Variants in ECE1 observed in about 807,000 individuals in gnomAD.
ECE1 encodes the protein endothelin-converting enzyme 1.
ECE1 carries 35 observed loss-of-function variants against 98.6 expected under a neutral mutation model. The ratio of observed to expected loss-of-function variants is 0.35; its 90% CI spans 0.27 to 0.47. The LOEUF (loss-of-function observed/expected upper bound fraction) is 0.47. Ranked by LOEUF, ECE1 falls within the 20% of genes least tolerant of loss-of-function variation. The pLI is 1.00. For missense variants in ECE1, 814 were observed against 1,025.3 expected, an observed-to-expected ratio of 0.79 and a Z score of 2.81; for synonymous variants, 394 against 407.1, an observed-to-expected ratio of 0.97 and a Z score of 0.39.
At position 21,337,737 on chromosome 1, in the gene ECE1, C is replaced by T. The variant is rs566935893; in HGVS notation, c.3+7639G>A. On this transcript the variant is annotated intron_variant, in intron 1 of 18. Transcript: ENST00000415912. ...TCTAACTACTGGGCAAAATACTGCC[C>T]CAGGAGCTCCATATTAGAGACAGGA... is the stretch of plus-strand genomic sequence containing the variant. Among the ~76,000 whole-genome samples, 66 of 152,236 alleles carry T rather than the reference C, an allele frequency of 4.3e-4. No homozygotes were observed. In the South Asian group the frequency reaches 0.014, roughly 32 times the overall value.
rs748289574 is a variant in ECE1, at chr1:21,235,977, C to T, written c.1489-50G>A. The T allele has an allele frequency of 3.3e-5, 52 of 1,565,988 alleles. No homozygotes were observed. Among genetic ancestry groups the T allele is most frequent in the Non-Finnish European group, 4.3e-5 (49 of 1,136,358 alleles). On this transcript the variant is annotated intron_variant, in intron 12 of 18. Coordinates refer to ENST00000374893, the MANE Select transcript of ECE1 (RefSeq NM_001397.3). The surrounding 1 kb of genome is among the most constrained non-coding windows in gnomAD (Gnocchi z 4.2). ...GAGTGCCCGGCAACATCGACCAGGCCAGCCTGAGCAACTTGGGTGCTGGGC... is the reference window on the plus strand; with the variant it reads ...GAGTGCCCGGCAACATCGACCAGGCTAGCCTGAGCAACTTGGGTGCTGGGC...
chr1:21,310,469 C>T (rs1178388580), intron 1 of ECE1, among the ~76,000 whole-genome samples: 2 of 152,168 alleles, frequency 1.3e-5, no homozygotes, highest in Admixed American at 6.5e-5. Flanking sequence ...TGATTGACAG[C>T]CTGGTTAATC....
chr1:21,306,244 T>C (rs1362496900), intron 1 of ECE1, among the ~76,000 whole-genome samples: 1 of 152,148 alleles, frequency 6.6e-6, no homozygotes, highest in African/African-American at 2.4e-5. Context: ...CAATAAACAA[T>C]GTTACTAAGA....
At chr1:21,305,502 C>T (rs1440307698) in intron 1 of ECE1, among the ~76,000 whole-genome samples, 2 of 152,192 alleles carry the variant, frequency 1.3e-5, no homozygotes, top group Admixed American at 6.5e-5. Flanking sequence ...CAATCTGTCC[C>T]TCACTCTCAA....
intron 4 of ECE1, among the ~76,000 whole-genome samples, chr1:21,269,405 G>A (rs779265257): frequency 3.3e-5 from 5 of 152,172 alleles, no homozygotes; most frequent in African/African-American, 9.7e-5. Context: ...ACATACCAGC[G>A]CTTCTCTAAT....
intron 1 of ECE1, among the ~76,000 whole-genome samples, chr1:21,303,338 T>C (rs1638527228): frequency 6.6e-6 from 1 of 152,198 alleles, no homozygotes; most frequent in African/African-American, 2.4e-5. Flanking sequence ...GGAACACAGA[T>C]TGTGGAGAAA....
In ECE1 at chr1:21,225,516, G is replaced by T. The variant is rs1480497120; in HGVS notation, c.1850-76C>A. The T allele has an allele frequency of 2.0e-6, 3 of 1,529,886 alleles. No individual in the cohort carries two copies. The highest frequency in any genetic ancestry group is 2.4e-5 in the East Asian group (1 of 41,734). The allele number at this position is 1,529,886 out of a possible 1,614,324, so 94.8% of individuals were successfully genotyped here. A position where few individuals can be genotyped will look rare whatever the true frequency, so the allele number is the denominator to read the frequency against. ...GACCTGCTGCTCCTCCCTGCTCCTG[G>T]TGAGAAGCGGTTCATCCGTCCACCC... On this transcript the variant is annotated intron_variant, in intron 16 of 18. Coordinates refer to ENST00000374893, the MANE Select transcript of ECE1 (RefSeq NM_001397.3). This position sits in a 1 kb window ranked among gnomAD's most constrained non-coding sequence, Gnocchi z 5.3.
At chr1:21,305,033 A>T (rs1372233149) in intron 1 of ECE1, among the ~76,000 whole-genome samples, 3 of 152,228 alleles carry the variant, frequency 2.0e-5, no homozygotes, top group African/African-American at 7.2e-5. Context: ...TCAAAGATCT[A>T]TGCAGAACTA....
chr1:21,236,271 T>C (rs1046878568), intron 12 of ECE1, among the ~76,000 whole-genome samples: 14 of 152,244 alleles, frequency 9.2e-5, no homozygotes, highest in Non-Finnish European at 1.9e-4. Context: ...CAAGCAATCA[T>C]GTGCTTGAGG....
rs147631254 is a variant in ECE1, at chr1:21,325,774, C to T, written c.3+19602G>A. Among the ~76,000 whole-genome samples the T allele has an allele frequency of 1.9e-3, 294 of 152,364 alleles. 1 individual carries two copies. The highest frequency in any genetic ancestry group is 3.2e-3 in the Non-Finnish European group (216 of 68,040). ...GCTCAATAAATTGTGGTTCCCACCT[C>T]CTGCTCCACGGAGCAGACATGAAAC... On this transcript the variant is annotated intron_variant, in intron 1 of 18. Coordinates refer to the ECE1 transcript ENST00000415912.
chr1:21,300,056 C>G (rs939305117), intron 1 of ECE1, among the ~76,000 whole-genome samples: 1 of 152,242 alleles, frequency 6.6e-6, no homozygotes, highest in Non-Finnish European at 1.5e-5. Context: ...AAAAATCACT[C>G]AACTGTCTCT....
At chr1:21,264,939 GA>G (rs766293245) in intron 4 of ECE1, among the ~76,000 whole-genome samples, 16 of 152,156 alleles carry the variant, frequency 1.1e-4, no homozygotes, top group Non-Finnish European at 1.5e-4. Flanking sequence ...TCCCTTCTGA[GA>G]AAGCCCATCC....
Position 21,327,663 on chromosome 1 carries a change from G to C in ECE1, c.3+17713C>G, listed in dbSNP as rs974647662. On this transcript the variant is annotated intron_variant, in intron 1 of 18. Coordinates refer to the ECE1 transcript ENST00000415912. The surrounding 1 kb of genome is among the most constrained non-coding windows in gnomAD (Gnocchi z 4.6). ...TCACCTGGTCTGCACGGCCCTGCGG[G>C]ACCCAGCCCTGACCACCCTTCAGCT... Among the ~76,000 whole-genome samples the C allele has an allele frequency of 3.9e-5, 6 of 152,142 alleles. No homozygotes were observed. Among genetic ancestry groups the C allele is most frequent in the Non-Finnish European group, 8.8e-5 (6 of 68,028 alleles).
Position 21,233,494 on chromosome 1 carries a change from C to A in ECE1, c.1670+64G>T. 4 of 1,490,328 alleles carry A rather than the reference C, an allele frequency of 2.7e-6. No homozygotes were observed. Among genetic ancestry groups the A allele is most frequent in the South Asian group, 1.1e-5 (1 of 87,848 alleles). 92.3% of individuals were successfully genotyped at this position (1,490,328 alleles called of 1,614,324 possible). On this transcript the variant is annotated intron_variant, in intron 14 of 18. Coordinates refer to ENST00000374893, the MANE Select transcript of ECE1 (RefSeq NM_001397.3). The surrounding 1 kb of genome is among the most constrained non-coding windows in gnomAD (Gnocchi z 4.0). ...AGTGAGGGTGCAATGAAGGCCAGTTCGTCCCAAGGCTTGCCCACAGGTGGG... is the reference window on the plus strand; with the variant it reads ...AGTGAGGGTGCAATGAAGGCCAGTTAGTCCCAAGGCTTGCCCACAGGTGGG...
chr1:21,278,094 G>C (rs1393624054), intron 3 of ECE1, among the ~76,000 whole-genome samples: 1 of 152,198 alleles, frequency 6.6e-6, no homozygotes, highest in East Asian at 1.9e-4. Context: ...CATGGGGTGA[G>C]CGACCGAGTC....
intron 3 of ECE1, among the ~76,000 whole-genome samples, chr1:21,277,370 C>T (rs754444155): frequency 5.3e-5 from 8 of 152,220 alleles, no homozygotes; most frequent in Non-Finnish European, 8.8e-5. Flanking sequence ...TTTGGAGCTC[C>T]GAGGGGCAGT....
intron 8 of ECE1, among the ~76,000 whole-genome samples, chr1:21,254,710 G>A (rs150731812): frequency 1.3e-5 from 2 of 148,892 alleles, no homozygotes; most frequent in African/African-American, 4.8e-5. Context: ...CAGCCTCCTG[G>A]CCTCAGAGCA....
intron 1 of ECE1, among the ~76,000 whole-genome samples, chr1:21,325,016 G>C (rs923771430): frequency 6.6e-6 from 1 of 152,212 alleles, no homozygotes; most frequent in Non-Finnish European, 1.5e-5. Context: ...AGGTCGCCAG[G>C]AGGAAAGCAC....
rs998130479 is a variant in ECE1, at chr1:21,260,864, C to G, written c.494-472G>C. ...TCATTCATTATGAATTTACTTTTTG[C>G]TTCCTCCTTGGAGGGGCTAGGCACG... On this transcript the variant is annotated intron_variant, in intron 4 of 18. Coordinates refer to ENST00000374893, the MANE Select transcript of ECE1 (RefSeq NM_001397.3). This position sits in a 1 kb window ranked among gnomAD's most constrained non-coding sequence, Gnocchi z 4.3. Among the ~76,000 whole-genome samples, 1 of 152,216 alleles carries G rather than the reference C, an allele frequency of 6.6e-6. No individual in the cohort carries two copies. The highest frequency in any genetic ancestry group is 1.5e-5 in the Non-Finnish European group (1 of 68,036).
Sources: allele counts gnomAD v4.1 joint callset (sites outside exome capture counted in the v4.1 genomes callset), GRCh38; gene constraint gnomAD v4.1.1; non-coding constraint Gnocchi (gnomAD v3.1); transcripts MANE v1.5; gene names NCBI Gene and HGNC (gene_info 2026-07-23, HGNC 2026-07-21).